KIF1B: variants seen among roughly 807,000 people sequenced by gnomAD.
The protein encoded by KIF1B is kinesin family member 1B.
A neutral mutation model predicts 241.9 loss-of-function variants in KIF1B; 76 were observed. The observed-to-expected ratio is 0.31, with a 90% CI of 0.26 to 0.38. KIF1B has a LOEUF of 0.38. Ranked by LOEUF, KIF1B falls within the 10% of genes least tolerant of loss-of-function variation. The probability of loss-of-function intolerance (pLI) is 1.00; values close to 1 mark genes in which losing one functional copy is unlikely to be tolerated. For missense variants in KIF1B, 1,622 were observed against 2,271.4 expected, an observed-to-expected ratio of 0.71 and a Z score of 5.81; for synonymous variants, 750 against 796.7, an observed-to-expected ratio of 0.94 and a Z score of 0.99.
chr1:10,376,425 C>T, intron 48 of KIF1B, 120 bp from the exon 49 acceptor site: 1 of 959,212 alleles, frequency 1.0e-6, no homozygotes, highest in Non-Finnish European at 1.7e-6. Context: ...GCTTAGAGGA[C>T]TAGGCCTGCG....
chr1:10,333,609 G>T (rs974196992), intron 27 of KIF1B, among the ~76,000 whole-genome samples: 1 of 150,554 alleles, frequency 6.6e-6, no homozygotes, highest in African/African-American at 2.4e-5. Flanking sequence ...GGAGAGTGGC[G>T]TGAACCTGGG....
intron 22 of KIF1B, among the ~76,000 whole-genome samples, chr1:10,301,350 G>A (rs1650532028): frequency 6.6e-6 from 1 of 151,652 alleles, no homozygotes; most frequent in Non-Finnish European, 1.5e-5. Flanking sequence ...TTTTTTTTAA[G>A]TGAAAGCATG....
At chr1:10,236,778 G>A (rs1198602544) in intron 2 of KIF1B, among the ~76,000 whole-genome samples, 1 of 150,486 alleles carries the variant, frequency 6.6e-6, no homozygotes, top group African/African-American at 2.4e-5. Flanking sequence ...TTTTAAGTGA[G>A]AGATTTTTAA....
At position 10,282,180 on chromosome 1, in the gene KIF1B, G is replaced by C. The variant is rs140089138; in HGVS notation, c.1223-142G>C. 440 of 659,160 alleles carry C rather than the reference G, an allele frequency of 6.7e-4. 3 individuals carry two copies. In the African/African-American group the frequency reaches 6.9e-3, roughly 10 times the overall value. 40.8% of individuals were successfully genotyped at this position (659,160 alleles called of 1,614,324 possible). A position where few individuals can be genotyped will look rare whatever the true frequency, so the allele number is the denominator to read the frequency against. On this transcript the variant is annotated intron_variant, in intron 14 of 48. Transcript: ENST00000676179. ...CTGCCATCTAGAACAGTTGTAACCT[G>C]TGTTTGTATTATAGCGTGTCTTGGT...
At chr1:10,348,988 C>T (rs1422927570) in intron 37 of KIF1B, among the ~76,000 whole-genome samples, 2 of 152,224 alleles carry the variant, frequency 1.3e-5, no homozygotes, top group East Asian at 1.9e-4. Context: ...GTGTAGAAGA[C>T]CATATTCGGA....
intron 22 of KIF1B, among the ~76,000 whole-genome samples, chr1:10,316,961 G>A (rs1161981671): frequency 1.3e-5 from 2 of 151,308 alleles, no homozygotes; most frequent in Non-Finnish European, 2.9e-5. Context: ...GGCTGGAGTG[G>A]CTATTCACAG....
chr1:10,319,700 A>C (rs890695128), intron 22 of KIF1B, among the ~76,000 whole-genome samples: 3 of 152,184 alleles, frequency 2.0e-5, no homozygotes, highest in African/African-American at 7.2e-5. Flanking sequence ...TATTACTTGA[A>C]TATATTCTAA....
chr1:10,373,816 T>C (rs1003034356), intron 45 of KIF1B, among the ~76,000 whole-genome samples: 2 of 152,160 alleles, frequency 1.3e-5, no homozygotes, highest in African/African-American at 4.8e-5. Context: ...GTGTACATCA[T>C]CATCCCCTGG....
chr1:10,309,675 G>A (rs927838876), intron 22 of KIF1B, among the ~76,000 whole-genome samples: 6 of 151,430 alleles, frequency 4.0e-5, no homozygotes, highest in Non-Finnish European at 8.8e-5. Flanking sequence ...GAGTACCCTA[G>A]CTTGTCTCTT....
intron 2 of KIF1B, among the ~76,000 whole-genome samples, chr1:10,248,115 T>G (rs1214475049): frequency 2.0e-5 from 3 of 152,186 alleles, no homozygotes; most frequent in Non-Finnish European, 2.9e-5. Flanking sequence ...ACTTCATCGG[T>G]AAAATCTTTG....
chr1:10,370,997 A>G, intron 44 of KIF1B, 144 bp from the exon 45 acceptor site: 1 of 939,272 alleles, frequency 1.1e-6, no homozygotes, highest in Non-Finnish European at 1.7e-6. Flanking sequence ...TTATTGATAA[A>G]TTATGTATAG....
intron 25 of KIF1B, among the ~76,000 whole-genome samples, chr1:10,324,505 T>C (rs1651649459): frequency 6.6e-6 from 1 of 152,162 alleles, no homozygotes; most frequent in Non-Finnish European, 1.5e-5. Context: ...TATTCCCCCT[T>C]ATGACTTTTC....
intron 40 of KIF1B, 76 bp downstream of exon 40, chr1:10,361,901 G>T: frequency 6.5e-7 from 1 of 1,531,252 alleles, no homozygotes; most frequent in Non-Finnish European, 9.0e-7. Flanking sequence ...AGTATTCTCG[G>T]CTTACTGTCT....
chr1:10,301,394 G>T (rs763483663), intron 22 of KIF1B, among the ~76,000 whole-genome samples: 1 of 151,918 alleles, frequency 6.6e-6, no homozygotes, highest in African/African-American at 2.4e-5. Flanking sequence ...GGCTGGGTGC[G>T]GTGGCTCACC....
At chr1:10,248,406 G>GC (rs1438270894) in intron 2 of KIF1B, among the ~76,000 whole-genome samples, 1 of 152,036 alleles carries the variant, frequency 6.6e-6, no homozygotes, top group Non-Finnish European at 1.5e-5. Flanking sequence ...TCATTATGTT[G>GC]CCCAGGCTGG....
Position 10,358,127 on chromosome 1 carries a change from C to T in KIF1B, c.4056-2802C>T, listed in dbSNP as rs866595360. On this transcript the variant is annotated intron_variant, in intron 38 of 48. Coordinates refer to ENST00000676179, the MANE Select transcript of KIF1B (RefSeq NM_001365951.3). ...CAAAAAAAAAAAAAAAAGAAAGAAA[C>T]TTTTTTTGACAAAAGAAAAAAATGA... Among the ~76,000 whole-genome samples the T allele has an allele frequency of 1.6e-3, 223 of 140,690 alleles. 1 individual carries two copies. Among genetic ancestry groups the T allele is most frequent in the African/African-American group, 5.4e-3 (208 of 38,824 alleles). The allele number at this position is 140,690 out of a possible 152,430, so 92.3% of individuals were successfully genotyped here.
chr1:10,279,226 T>G, intron 14 of KIF1B, 88 bp downstream of exon 14: 32 of 779,984 alleles, frequency 4.1e-5, no homozygotes, highest in Non-Finnish European at 5.6e-5. Context: ...CTTTGCATGC[T>G]GGCAATCCTT....
intron 44 of KIF1B, among the ~76,000 whole-genome samples, chr1:10,370,663 A>ATAATAATAATAC (rs1466323963): frequency 6.6e-6 from 1 of 151,016 alleles, no homozygotes; most frequent in African/African-American, 2.4e-5. Context: ...AATAATAATA[A>ATAATAATAATAC]TAATAATGAC....
intron 7 of KIF1B, among the ~76,000 whole-genome samples, chr1:10,271,016 G>A (rs553067347): frequency 3.3e-5 from 5 of 151,540 alleles, no homozygotes; most frequent in South Asian, 4.2e-4. Flanking sequence ...ATATGTGATT[G>A]TTCCAGTTGC....
Sources: gnomAD v4.1 joint callset for allele counts (sites outside exome capture counted in the v4.1 genomes callset) on GRCh38, gnomAD v4.1.1 for gene constraint, MANE v1.5 for transcripts, NCBI Gene and HGNC (gene_info 2026-07-23, HGNC 2026-07-21) for gene names.